NEK10: variants seen among roughly 807,000 people sequenced by gnomAD.
NEK10 encodes serine/threonine-protein kinase Nek10.
In NEK10, 122 loss-of-function variants were observed where a neutral mutation model predicts 159.8. That is an observed-to-expected ratio of 0.76 (90% CI 0.66 to 0.89). The LOEUF is 0.89. Ranked by LOEUF, NEK10 falls within the 40% of genes least tolerant of loss-of-function variation. The probability of loss-of-function intolerance (pLI) is 0.00; values close to 1 mark genes in which losing one functional copy is unlikely to be tolerated. For missense variants in NEK10, 1,342 were observed against 1,323.1 expected (o/e 1.01, Z -0.22); for synonymous variants, 466 against 457.1 (o/e 1.02, Z -0.25).
At chr3:27,260,914 A>C (rs1575492473) in intron 22 of NEK10, among the ~76,000 whole-genome samples, 1 of 152,316 alleles carries the variant, frequency 6.6e-6, no homozygotes, top group East Asian at 1.9e-4. Flanking sequence ...TTATTGGTCT[A>C]TTCAGAGATT....
At chr3:27,276,484 A>C (rs2041783370) in intron 22 of NEK10, among the ~76,000 whole-genome samples, 1 of 152,198 alleles carries the variant, frequency 6.6e-6, no homozygotes, top group Admixed American at 6.5e-5. Context: ...CTGTCCCAGG[A>C]GGTCAGAGCA....
chr3:27,301,012 TCTCC>T (rs2043776667), intron 13 of NEK10, among the ~76,000 whole-genome samples: 1 of 151,956 alleles, frequency 6.6e-6, no homozygotes, highest in African/African-American at 2.4e-5. Flanking sequence ...CCCCTCAGAG[TCTCC>T]CTGTCTCCTG....
At chr3:27,180,064 G>C (rs1305746948) in intron 26 of NEK10, among the ~76,000 whole-genome samples, 1 of 151,780 alleles carries the variant, frequency 6.6e-6, no homozygotes, top group Non-Finnish European at 1.5e-5. Context: ...CTGGGCAACA[G>C]AGCAAGACTC....
intron 30 of NEK10, among the ~76,000 whole-genome samples, chr3:27,147,034 G>C (rs1486845889): frequency 6.6e-6 from 1 of 152,226 alleles, no homozygotes; most frequent in Admixed American, 6.5e-5. Context: ...GATCTCACGG[G>C]AAGAGGATCA....
intron 30 of NEK10, among the ~76,000 whole-genome samples, chr3:27,149,959 A>G (rs1312908622): frequency 6.6e-6 from 1 of 152,230 alleles, no homozygotes; most frequent in Non-Finnish European, 1.5e-5. Context: ...AATAACAATG[A>G]CAGCCTTATT....
At chr3:27,263,431 C>A (rs1361423096) in intron 22 of NEK10, among the ~76,000 whole-genome samples, 2 of 152,212 alleles carry the variant, frequency 1.3e-5, no homozygotes, top group Admixed American at 6.5e-5. Context: ...TCTACAGAGG[C>A]AGGCAGGCCT....
At chr3:27,212,975 C>T (rs1235700903) in intron 23 of NEK10, among the ~76,000 whole-genome samples, 3 of 152,010 alleles carry the variant, frequency 2.0e-5, no homozygotes, top group Non-Finnish European at 2.9e-5. Flanking sequence ...AGGAAATATC[C>T]TCTCCATTTA....
chr3:27,247,548 T>A (rs1462643676), intron 23 of NEK10, among the ~76,000 whole-genome samples: 1 of 151,580 alleles, frequency 6.6e-6, no homozygotes, highest in Non-Finnish European at 1.5e-5. Context: ...TTATTTTATT[T>A]TATTTTTTTG....
At chr3:27,254,628 CGGAGA>C (rs1415218860) in intron 23 of NEK10, among the ~76,000 whole-genome samples, 1 of 151,708 alleles carries the variant, frequency 6.6e-6, no homozygotes, top group Non-Finnish European at 1.5e-5. Context: ...TCTAATAACT[CGGAGA>C]GATGAGAGAA....
In NEK10 at chr3:27,343,865, C is replaced by G. The variant is rs144990690; in HGVS notation, c.362+407G>C. Among the ~76,000 whole-genome samples the G allele has an allele frequency of 7.9e-5, 12 of 152,320 alleles. No homozygotes were observed. The East Asian group carries it at 2.3e-3, about 29-fold the overall frequency. On this transcript the variant is annotated intron_variant, in intron 5 of 35. Transcript: ENST00000691995. ...TATGAGGCTGTGGCTGGATGTTACA[C>G]ACTCATCCTTTCTTTCCTCAAGATC...
At chr3:27,301,866 T>C in intron 12 of NEK10, 31 bp from the exon 13 acceptor site, 2 of 1,528,698 alleles carry the variant, frequency 1.3e-6, no homozygotes, top group Non-Finnish European at 1.8e-6. Flanking sequence ...CATAGACCAT[T>C]TATCAATTTC....
intron 22 of NEK10, among the ~76,000 whole-genome samples, chr3:27,262,478 G>A (rs368020517): frequency 8.4e-4 from 128 of 152,312 alleles, no homozygotes; most frequent in Middle Eastern, 3.4e-3. Context: ...CCAATCAGAC[G>A]TAGATTTGGT....
intron 23 of NEK10, chr3:27,215,011 A>G: frequency 1.6e-6 from 1 of 639,618 alleles, no homozygotes; most frequent in Non-Finnish European, 2.9e-6. Flanking sequence ...GCCAAGCTCC[A>G]ACTCCGACCT....
chr3:27,152,074 G>A (rs1301750424), intron 30 of NEK10, among the ~76,000 whole-genome samples: 1 of 152,142 alleles, frequency 6.6e-6, no homozygotes, highest in Non-Finnish European at 1.5e-5. Flanking sequence ...ACATATTTGG[G>A]GGAATAATTG....
intron 23 of NEK10, among the ~76,000 whole-genome samples, chr3:27,245,909 T>A (rs61365285): frequency 0.087 from 13,175 of 152,204 alleles, 1,886 homozygotes; most frequent in African/African-American, 0.3. Context: ...GGAAATACTA[T>A]ACATAACCAC....
chr3:27,171,003 C>T (rs1384918715), intron 29 of NEK10, among the ~76,000 whole-genome samples: 6 of 152,094 alleles, frequency 3.9e-5, no homozygotes, highest in Non-Finnish European at 8.8e-5. Context: ...CTAGGAGGTC[C>T]TTTTCCATCA....
Position 27,304,972 on chromosome 3 carries a change from C to A in NEK10, c.804-1G>T. On this transcript the variant is annotated splice_acceptor_variant, in intron 11 of 35. Coordinates refer to ENST00000691995, the MANE Select transcript of NEK10 (RefSeq NM_001394966.1). LOFTEE classifies it high-confidence loss of function. ...TAGGCGCAGCAACTCCGCTGTTAGTCTGAAAGGGGTACAGAGGGTGGGGTG... is the reference window on the plus strand; with the variant it reads ...TAGGCGCAGCAACTCCGCTGTTAGTATGAAAGGGGTACAGAGGGTGGGGTG... The A allele has an allele frequency of 6.3e-7, 1 of 1,596,258 alleles. No homozygotes were observed. The highest frequency in any genetic ancestry group is 8.6e-7 in the Non-Finnish European group (1 of 1,165,686).
chr3:27,163,585 G>A (rs748471214), intron 29 of NEK10, among the ~76,000 whole-genome samples: 48 of 151,694 alleles, frequency 3.2e-4, no homozygotes, highest in Non-Finnish European at 5.9e-4. Context: ...ATCTCCTGAC[G>A]TCATGATCCA....
intron 1 of NEK10, among the ~76,000 whole-genome samples, chr3:27,362,899 C>G (rs13085782): frequency 0.13 from 19,937 of 152,040 alleles, 1,554 homozygotes; most frequent in Non-Finnish European, 0.18. Context: ...ATTTCTCCCT[C>G]TCCCCAACTA....
Sources: gnomAD v4.1 joint callset for allele counts (sites outside exome capture counted in the v4.1 genomes callset) on GRCh38, gnomAD v4.1.1 for gene constraint, MANE v1.5 for transcripts, NCBI Gene and HGNC (gene_info 2026-07-23, HGNC 2026-07-21) for gene names.